Variants in TNR observed in about 807,000 individuals in gnomAD.
The protein encoded by TNR is tenascin R.
Under a neutral mutation model 150.4 loss-of-function variants are expected in TNR, and 45 were observed. That is an observed-to-expected ratio of 0.30 (90% CI 0.24 to 0.38). The LOEUF (loss-of-function observed/expected upper bound fraction) is 0.38, where lower values mean the gene tolerates loss of function less well. Ranked by LOEUF, TNR falls within the 10% of genes least tolerant of loss-of-function variation. The probability of loss-of-function intolerance (pLI) is 1.00; values close to 1 mark genes in which losing one functional copy is unlikely to be tolerated. For missense variants in TNR, 1,544 were observed against 1,759.1 expected (o/e 0.88, Z 2.19); for synonymous variants, 687 against 678.4 (o/e 1.01, Z -0.20).
intron 1 of TNR, among the ~76,000 whole-genome samples, chr1:175,701,784 T>C (rs1666703722): frequency 1.3e-5 from 2 of 152,296 alleles, no homozygotes; most frequent in African/African-American, 4.8e-5. Flanking sequence ...ACCAGGGAGC[T>C]GGTTAGAAAT....
intron 1 of TNR, among the ~76,000 whole-genome samples, chr1:175,730,480 C>A (rs563552908): frequency 6.6e-6 from 1 of 152,344 alleles, no homozygotes; most frequent in South Asian, 2.1e-4. Flanking sequence ...TGTCACTCAA[C>A]TTCACATCCA....
At chr1:175,451,756 A>G (rs1656333865) in intron 2 of TNR, among the ~76,000 whole-genome samples, 1 of 152,244 alleles carries the variant, frequency 6.6e-6, no homozygotes, top group Non-Finnish European at 1.5e-5. Flanking sequence ...CTTACTGATG[A>G]AAGAGAAATC....
chr1:175,568,782 T>C (rs368567777), intron 1 of TNR, among the ~76,000 whole-genome samples: 1 of 152,136 alleles, frequency 6.6e-6, no homozygotes, highest in Non-Finnish European at 1.5e-5. Context: ...TTGAGACTCT[T>C]GAAGGAAGCC....
chr1:175,687,605 GAAGAA>G (rs1666242830), intron 1 of TNR, among the ~76,000 whole-genome samples: 2 of 151,980 alleles, frequency 1.3e-5, no homozygotes, highest in African/African-American at 4.8e-5. Flanking sequence ...ACCCCGAAAT[GAAGAA>G]GAGAGGTGGT....
intron 2 of TNR, among the ~76,000 whole-genome samples, chr1:175,517,194 C>T (rs1247262752): frequency 6.6e-6 from 1 of 152,206 alleles, no homozygotes; most frequent in Non-Finnish European, 1.5e-5. Context: ...ATTTCCTCCT[C>T]TGCTCTTCTC....
intron 1 of TNR, among the ~76,000 whole-genome samples, chr1:175,702,818 T>G (rs1247248838): frequency 1.3e-5 from 2 of 152,210 alleles, no homozygotes; most frequent in Non-Finnish European, 2.9e-5. Flanking sequence ...CAAATGAGGA[T>G]GTAGATATCT....
intron 12 of TNR, 146 bp from the exon 13 acceptor site, chr1:175,363,973 T>G (rs1268888654): frequency 2.0e-6 from 2 of 987,824 alleles, no homozygotes; most frequent in Non-Finnish European, 2.9e-6. Context: ...CTTAAAACCA[T>G]GGTCACGCTG....
chr1:175,576,867 A>G (rs940083542), intron 1 of TNR, among the ~76,000 whole-genome samples: 11 of 152,210 alleles, frequency 7.2e-5, no homozygotes, highest in African/African-American at 2.2e-4. Flanking sequence ...CACTAATTAC[A>G]ACTTATTTTA....
chr1:175,576,218 T>C (rs1662104937), intron 1 of TNR, among the ~76,000 whole-genome samples: 1 of 152,154 alleles, frequency 6.6e-6, no homozygotes, highest in Non-Finnish European at 1.5e-5. Context: ...GAAATTACTT[T>C]TCTGTGACAG....
intron 1 of TNR, among the ~76,000 whole-genome samples, chr1:175,537,067 A>T (rs17376819): frequency 0.11 from 16,410 of 152,212 alleles, 1,174 homozygotes; most frequent in Non-Finnish European, 0.17. Flanking sequence ...AGCTTGACAG[A>T]GACAAATGTT....
At chr1:175,353,927 C>A (rs1651194583) in intron 18 of TNR, among the ~76,000 whole-genome samples, 1 of 151,314 alleles carries the variant, frequency 6.6e-6, no homozygotes, top group Non-Finnish European at 1.5e-5. Flanking sequence ...CTCACTGCAA[C>A]CTCTGCTTCC....
intron 1 of TNR, among the ~76,000 whole-genome samples, chr1:175,677,443 G>A (rs570534611): frequency 1.8e-4 from 27 of 152,312 alleles, no homozygotes; most frequent in African/African-American, 6.5e-4. Context: ...GTAGCCACAG[G>A]AGGGAGAAGT....
At position 175,559,540 on chromosome 1, in the gene TNR, C is replaced by T. The variant is rs112572066; in HGVS notation, c.-164-31171G>A. Among the ~76,000 whole-genome samples the T allele has an allele frequency of 9.8e-3, 1,494 of 152,238 alleles. 17 individuals are homozygous for T. The highest frequency in any genetic ancestry group is 0.034 in the African/African-American group (1,400 of 41,552). On this transcript the variant is annotated intron_variant, in intron 1 of 22. Coordinates refer to ENST00000367674, the MANE Select transcript of TNR (RefSeq NM_003285.3). ...CTGGATTTGGTAGTTCTCACTCCCA[C>T]GAATTTCTTTATTACTTTCCTTCGT...
chr1:175,478,820 G>A (rs141787202), intron 2 of TNR, among the ~76,000 whole-genome samples: 158 of 152,262 alleles, frequency 1.0e-3, no homozygotes, highest in African/African-American at 3.6e-3. Context: ...TAAGCTGTCA[G>A]CATTCTCTTA....
intron 1 of TNR, among the ~76,000 whole-genome samples, chr1:175,651,505 G>GA (rs542592648): frequency 2.0e-5 from 3 of 151,516 alleles, no homozygotes; most frequent in South Asian, 2.1e-4. Flanking sequence ...TAATAAACTG[G>GA]AAAAAAACCC....
At chr1:175,367,664 G>A (rs1651905948) in intron 9 of TNR, among the ~76,000 whole-genome samples, 1 of 152,126 alleles carries the variant, frequency 6.6e-6, no homozygotes, top group African/African-American at 2.4e-5. Context: ...TGAATTTCGG[G>A]AGTATGTAAT....
intron 2 of TNR, among the ~76,000 whole-genome samples, chr1:175,444,007 A>C (rs893701420): frequency 2.0e-5 from 3 of 151,994 alleles, no homozygotes; most frequent in Admixed American, 1.3e-4. Flanking sequence ...TTTATGGGAG[A>C]GCTTTAGGCT....
intron 1 of TNR, among the ~76,000 whole-genome samples, chr1:175,569,967 C>T (rs931300215): frequency 6.6e-6 from 1 of 152,206 alleles, no homozygotes; most frequent in Non-Finnish European, 1.5e-5. Flanking sequence ...AATGGCTGTA[C>T]ATTTGAGTCA....
At position 175,355,684 on chromosome 1, in the gene TNR, C is replaced by T. The variant is rs369263820; in HGVS notation, c.3119-51G>A. 2.9e-5 allele frequency: 47 copies of T among 1,607,406 alleles called. No individual in the cohort carries two copies. In the African/African-American group the frequency reaches 5.8e-4, roughly 20 times the overall value. ...CATGCCTGCCTCTCCAGCTCCTCCC[C>T]CTGCTTGATTTCAGGTATGGGTATC... On this transcript the variant is annotated intron_variant, in intron 16 of 22. Coordinates refer to ENST00000367674, the MANE Select transcript of TNR (RefSeq NM_003285.3).
Sources: allele counts gnomAD v4.1 joint callset (sites outside exome capture counted in the v4.1 genomes callset), GRCh38; gene constraint gnomAD v4.1.1; transcripts MANE v1.5; gene names NCBI Gene and HGNC (gene_info 2026-07-23, HGNC 2026-07-21).